The following TAFA2 variants were observed in gnomAD, a reference collection of about 807,000 sequenced individuals.
TAFA2 encodes chemokine-like protein TAFA-2.
Under a neutral mutation model 18.8 loss-of-function variants are expected in TAFA2, and 7 were observed. The observed-to-expected ratio is 0.37, with a 90% CI of 0.21 to 0.70. The LOEUF is 0.70. Among genes scored for constraint, TAFA2 ranks in the 30% least tolerant of loss-of-function variants. TAFA2 has a pLI of 0.53. For missense variants in TAFA2, 122 were observed against 158.1 expected (o/e 0.77, Z 1.23); for synonymous variants, 60 against 54.2 (o/e 1.11, Z -0.47).
chr12:62,100,158 C>A (rs1869129814), intron 1 of TAFA2, among the ~76,000 whole-genome samples: 1 of 151,736 alleles, frequency 6.6e-6, no homozygotes, highest in African/African-American at 2.4e-5. Flanking sequence ...CACACACACA[C>A]ACACACACAC....
intron 2 of TAFA2, among the ~76,000 whole-genome samples, chr12:61,848,733 TAA>T (rs1392100168): frequency 1.4e-4 from 21 of 145,754 alleles, no homozygotes; most frequent in African/African-American, 2.5e-4. Flanking sequence ...AAAAAAAAAA[TAA>T]GTTTCAATAT....
chr12:62,075,468 G>C (rs911705559), intron 1 of TAFA2, among the ~76,000 whole-genome samples: 3 of 152,258 alleles, frequency 2.0e-5, no homozygotes, highest in Non-Finnish European at 2.9e-5. Flanking sequence ...TCTCTTGCTT[G>C]AATGGAAATC....
At chr12:62,067,584 T>C (rs1470343972) in intron 1 of TAFA2, among the ~76,000 whole-genome samples, 1 of 152,062 alleles carries the variant, frequency 6.6e-6, no homozygotes, top group Non-Finnish European at 1.5e-5. Flanking sequence ...CTTTCTCCAA[T>C]GTATATTCTT....
chr12:62,011,067 C>A (rs1458274834), intron 1 of TAFA2, among the ~76,000 whole-genome samples: 2 of 150,710 alleles, frequency 1.3e-5, no homozygotes, highest in African/African-American at 4.9e-5. Flanking sequence ...TGCCCAGCCG[C>A]CCCGTCTGGG....
chr12:62,084,485 T>C (rs1370718472), intron 1 of TAFA2, among the ~76,000 whole-genome samples: 1 of 152,168 alleles, frequency 6.6e-6, no homozygotes, highest in Non-Finnish European at 1.5e-5. Context: ...CAAAAATGTT[T>C]GCCAAAGCAG....
chr12:62,038,444 A>G (rs942091848), intron 1 of TAFA2, among the ~76,000 whole-genome samples: 4 of 152,238 alleles, frequency 2.6e-5, no homozygotes, highest in African/African-American at 9.6e-5. Context: ...TAAAAAATAC[A>G]AACTATAAAA....
chr12:61,915,438 A>G (rs1322111070), intron 1 of TAFA2, among the ~76,000 whole-genome samples: 1 of 152,210 alleles, frequency 6.6e-6, no homozygotes, highest in African/African-American at 2.4e-5. Flanking sequence ...AGCCATGTGT[A>G]TTAGCCAAAG....
At chr12:61,728,032 G>GT (rs71083954) in intron 4 of TAFA2, among the ~76,000 whole-genome samples, 52,435 of 127,932 alleles carry the variant, frequency 0.41, 10,449 homozygotes, top group Non-Finnish European at 0.46. Context: ...TTTGAGGGTT[G>GT]TTTTTTTTTT....
At chr12:62,144,389 G>A (rs750085317) in intron 1 of TAFA2, among the ~76,000 whole-genome samples, 4 of 151,962 alleles carry the variant, frequency 2.6e-5, no homozygotes, top group African/African-American at 7.3e-5. Context: ...TACTTCTGTC[G>A]CAGGAGAGCT....
At chr12:62,112,585 T>C (rs984076716) in intron 1 of TAFA2, among the ~76,000 whole-genome samples, 3 of 152,164 alleles carry the variant, frequency 2.0e-5, no homozygotes, top group Non-Finnish European at 2.9e-5. Context: ...AATTTCCAAC[T>C]TGGTTCCCTT....
intron 1 of TAFA2, among the ~76,000 whole-genome samples, chr12:62,180,258 T>C (rs2062543191): frequency 6.6e-6 from 1 of 152,182 alleles, no homozygotes; most frequent in Non-Finnish European, 1.5e-5. Context: ...TTTCAATAAG[T>C]ACCACCGTAG....
At chr12:61,949,063 C>A (rs1322762815) in intron 1 of TAFA2, among the ~76,000 whole-genome samples, 1 of 152,140 alleles carries the variant, frequency 6.6e-6, no homozygotes, top group African/African-American at 2.4e-5. Flanking sequence ...AGGCATTACT[C>A]TGTGTGTAGT....
intron 1 of TAFA2, among the ~76,000 whole-genome samples, chr12:61,947,403 C>T (rs1592506490): frequency 6.6e-6 from 1 of 151,110 alleles, no homozygotes; most frequent in Non-Finnish European, 1.5e-5. Flanking sequence ...CACATGTATA[C>T]ATATGTAACT....
intron 1 of TAFA2, among the ~76,000 whole-genome samples, chr12:62,247,265 C>T (rs2062891208): frequency 6.6e-6 from 1 of 152,008 alleles, no homozygotes; most frequent in Admixed American, 6.6e-5. Flanking sequence ...GAACTAATTC[C>T]TCGCCACCAT....
rs774636647 is a variant in TAFA2, at chr12:61,807,080, C to T, written c.107-52056G>A. Among the ~76,000 whole-genome samples, 14 of 151,592 alleles carry T rather than the reference C, an allele frequency of 9.2e-5. 1 individual carries two copies. The highest frequency in any genetic ancestry group is 1.5e-4 in the African/African-American group (6 of 40,906). ...CAAATGTTAATCCCCAAAACAATGG[C>T]GAAAATATCTCCAGGGCATGTCAGA... On this transcript the variant is annotated intron_variant, in intron 2 of 4. Coordinates refer to ENST00000416284, the MANE Select transcript of TAFA2 (RefSeq NM_178539.5).
intron 1 of TAFA2, among the ~76,000 whole-genome samples, chr12:62,048,667 C>A (rs984344848): frequency 6.6e-6 from 1 of 152,120 alleles, no homozygotes; most frequent in African/African-American, 2.4e-5. Context: ...TATTACTTTG[C>A]CCCCACTAGT....
intron 4 of TAFA2, among the ~76,000 whole-genome samples, chr12:61,747,953 T>C (rs1413407637): frequency 6.6e-6 from 1 of 152,104 alleles, no homozygotes; most frequent in East Asian, 1.9e-4. Flanking sequence ...AGGTAAGTTG[T>C]TTTGAAAGCT....
In TAFA2 at chr12:61,718,603, C is replaced by T. The variant is rs1435491522; in HGVS notation, c.385-8186G>A. On this transcript the variant is annotated intron_variant, in intron 4 of 4. Coordinates refer to ENST00000416284, the MANE Select transcript of TAFA2 (RefSeq NM_178539.5). ...GTCAGGAAAACAATTATTTTAAATG[C>T]CTCAAGGAAATCTTAGCAGGCTTTT... is the stretch of plus-strand genomic sequence containing the variant. 2.6e-5 allele frequency among the ~76,000 whole-genome samples: 4 copies of T among 152,028 alleles called. No individual in the cohort carries two copies. The East Asian group carries it at 7.7e-4, about 29-fold the overall frequency.
chr12:61,993,716 T>G (rs530194925), intron 1 of TAFA2, among the ~76,000 whole-genome samples: 3 of 152,178 alleles, frequency 2.0e-5, no homozygotes, highest in Non-Finnish European at 4.4e-5. Flanking sequence ...ATGGTGTAAA[T>G]TGGGGACTCT....
Sources: gnomAD v4.1 joint callset for allele counts (sites outside exome capture counted in the v4.1 genomes callset) on GRCh38, gnomAD v4.1.1 for gene constraint, MANE v1.5 for transcripts, NCBI Gene and HGNC (gene_info 2026-07-23, HGNC 2026-07-21) for gene names.